IRAG1: variants seen among roughly 807,000 people sequenced by gnomAD.
IRAG1 encodes inositol 1,4,5-triphosphate receptor associated 1.
A neutral mutation model predicts 106.2 loss-of-function variants in IRAG1; 62 were observed. That is an observed-to-expected ratio of 0.58 (90% CI 0.48 to 0.72). The LOEUF is 0.72. Ranked by LOEUF, IRAG1 falls within the 30% of genes least tolerant of loss-of-function variation. The pLI is 0.00. For missense variants in IRAG1, 1,064 were observed against 1,140.7 expected (o/e 0.93, Z 0.97); for synonymous variants, 462 against 443.9 (o/e 1.04, Z -0.51).
At position 10,635,151 on chromosome 11, in the gene IRAG1, G is replaced by A. The variant is rs188913085; in HGVS notation, c.226-1080C>T. Among the ~76,000 whole-genome samples the A allele has an allele frequency of 1.4e-3, 206 of 152,320 alleles. 1 individual carries two copies. The highest frequency in any genetic ancestry group is 8.7e-3 in the South Asian group (42 of 4,830). On this transcript the variant is annotated intron_variant, in intron 2 of 20. Transcript: ENST00000423302. ...CACCCACACACCCCTGAGGTTCCAC[G>A]ACAGTCCTACCTTTGGGTAACTTTG...
chr11:10,606,612 C>A, intron 12 of IRAG1, 130 bp downstream of exon 12: 1 of 911,448 alleles, frequency 1.1e-6, no homozygotes, highest in Non-Finnish European at 1.6e-6. Flanking sequence ...TGAATGTTCA[C>A]ATTACCCCAC....
chr11:10,605,031 C>G (rs780163930), intron 12 of IRAG1, among the ~76,000 whole-genome samples: 2 of 152,174 alleles, frequency 1.3e-5, no homozygotes, highest in Non-Finnish European at 1.5e-5. Context: ...CCCGAGTATT[C>G]CAAATCCTGT....
At position 10,626,319 on chromosome 11, in the gene IRAG1, A is replaced by T. The variant is rs1856242201; in HGVS notation, c.1015T>A (p.Trp339Arg). ...ELGKQLLKTG[W>R]EGSPLPRSPT... is the part of the protein sequence containing the mutation. Reference sequence around the variant, plus strand: ...CTTCTCGGCAGAGGGCTGCCCTCCCAGCCCGTTTTCAAGAGCTGCTTCCCC... The same window carrying T: ...CTTCTCGGCAGAGGGCTGCCCTCCCTGCCCGTTTTCAAGAGCTGCTTCCCC... The change falls in exon 9 of 21, where the codon TGG becomes AGG. Residue 339 changes from tryptophan to arginine, a missense_variant. By Grantham distance (101) the Trp-to-Arg change is moderately radical. Coordinates refer to ENST00000423302, the MANE Select transcript of IRAG1 (RefSeq NM_130385.4). 6.2e-7 allele frequency: 1 copy of T among 1,613,196 alleles called. No homozygotes were observed. Among genetic ancestry groups the T allele is most frequent in the South Asian group, 1.1e-5 (1 of 90,892 alleles).
At chr11:10,599,418 A>G (rs750789172) in intron 15 of IRAG1, among the ~76,000 whole-genome samples, 2 of 152,212 alleles carry the variant, frequency 1.3e-5, no homozygotes, top group Non-Finnish European at 2.9e-5. Context: ...GAGTCCACGC[A>G]TTAGGATTCC....
intron 1 of IRAG1, among the ~76,000 whole-genome samples, chr11:10,684,675 G>T (rs1187566362): frequency 6.6e-6 from 1 of 151,268 alleles, no homozygotes; most frequent in Non-Finnish European, 1.5e-5. Flanking sequence ...AGTTCCTGCT[G>T]CTGGGATCTG....
chr11:10,612,910 CAAG>C (rs2134423416), intron 10 of IRAG1, among the ~76,000 whole-genome samples: 1 of 152,044 alleles, frequency 6.6e-6, no homozygotes, highest in African/African-American at 2.4e-5. Context: ...AAGGACTAAT[CAAG>C]AAATTGGGAA....
chr11:10,639,512 T>G (rs1288532606), intron 2 of IRAG1, among the ~76,000 whole-genome samples: 1 of 152,142 alleles, frequency 6.6e-6, no homozygotes, highest in East Asian at 1.9e-4. Context: ...AAAACCAGCA[T>G]AGAAGGAACT....
At chr11:10,634,729 T>C (rs1857005081) in intron 2 of IRAG1, among the ~76,000 whole-genome samples, 2 of 149,588 alleles carry the variant, frequency 1.3e-5, no homozygotes, top group Admixed American at 1.4e-4. Context: ...GATTTCCTTC[T>C]TTTTTTAAGG....
chr11:10,593,277 A>G, intron 17 of IRAG1: 1 of 419,102 alleles, frequency 2.4e-6, no homozygotes, highest in Non-Finnish European at 4.3e-6. Context: ...AGCTGCCAAC[A>G]CCATGCTGAG....
At chr11:10,603,476 G>A (rs1564902608) in intron 13 of IRAG1, among the ~76,000 whole-genome samples, 1 of 152,110 alleles carries the variant, frequency 6.6e-6, no homozygotes, top group Admixed American at 6.5e-5. Context: ...AATAGGGTTC[G>A]TGACCCTATG....
At chr11:10,601,089 G>T (rs758180149) in intron 14 of IRAG1, 30 bp from the exon 15 acceptor site, 27 of 1,611,646 alleles carry the variant, frequency 1.7e-5, no homozygotes, top group Middle Eastern at 1.6e-4. Flanking sequence ...GAGTGCATGA[G>T]GCCATTGGAG....
chr11:10,608,924 T>C lies in IRAG1; in HGVS notation c.1571+804A>G, dbSNP rs115939233. ...AAGACATGAAGATTTACTTATATTTTTTCTTTGAAGAGTCTTATAGTGTTC... is the reference window on the plus strand; with the variant it reads ...AAGACATGAAGATTTACTTATATTTCTTCTTTGAAGAGTCTTATAGTGTTC... On this transcript the variant is annotated intron_variant, in intron 11 of 20. Coordinates refer to ENST00000423302, the MANE Select transcript of IRAG1 (RefSeq NM_130385.4). 6.3e-3 allele frequency among the ~76,000 whole-genome samples: 965 copies of C among 152,358 alleles called. 9 individuals are homozygous for C. The highest frequency in any genetic ancestry group is 0.022 in the African/African-American group (899 of 41,578).
Position 10,628,734 on chromosome 11 carries a change from G to T in IRAG1, c.652+17C>A. ...GCGAGAGGCAGGGCAGGAAGTCCCC[G>T]GGCAGCTGGGCCTCACCTGGCGGGG... On this transcript the variant is annotated intron_variant, in intron 6 of 20. Transcript: ENST00000423302. This position sits in a 1 kb window ranked among gnomAD's most constrained non-coding sequence, Gnocchi z 4.1. The T allele has an allele frequency of 6.6e-7, 1 of 1,520,216 alleles. No homozygotes were observed. The highest frequency in any genetic ancestry group is 8.8e-7 in the Non-Finnish European group (1 of 1,138,924). The allele number at this position is 1,520,216 out of a possible 1,614,324, so 94.2% of individuals were successfully genotyped here. A position where few individuals can be genotyped will look rare whatever the true frequency, so the allele number is the denominator to read the frequency against.
chr11:10,672,451 A>T (rs1423638942), intron 1 of IRAG1, among the ~76,000 whole-genome samples: 1 of 152,234 alleles, frequency 6.6e-6, no homozygotes, highest in East Asian at 1.9e-4. Context: ...CTAATAAAGG[A>T]CTTGAATAAA....
chr11:10,633,111 G>C (rs1481657774), intron 3 of IRAG1, among the ~76,000 whole-genome samples: 2 of 125,226 alleles, frequency 1.6e-5, no homozygotes, highest in African/African-American at 3.2e-5. Context: ...GTCTCGCACT[G>C]TCGCCCAGGC....
At chr11:10,672,178 T>C (rs1453948003) in intron 1 of IRAG1, among the ~76,000 whole-genome samples, 1 of 152,222 alleles carries the variant, frequency 6.6e-6, no homozygotes, top group Non-Finnish European at 1.5e-5. Context: ...CCTCTTCCTA[T>C]ACCATACACA....
At chr11:10,681,840 T>C (rs1861284287) in intron 1 of IRAG1, among the ~76,000 whole-genome samples, 2 of 152,216 alleles carry the variant, frequency 1.3e-5, no homozygotes, top group East Asian at 3.8e-4. Flanking sequence ...ATCTACCAAA[T>C]ACCTGCTACA....
At chr11:10,693,456 C>T in intron 1 of IRAG1, 80 bp downstream of exon 1, 1 of 1,529,112 alleles carries the variant, frequency 6.5e-7, no homozygotes, top group Non-Finnish European at 8.7e-7. Context: ...TCCCAGCACC[C>T]TGTACCTTTA....
At chr11:10,603,330 C>T in intron 13 of IRAG1, 79 bp from the exon 14 acceptor site, 2 of 1,533,176 alleles carry the variant, frequency 1.3e-6, no homozygotes, top group Non-Finnish European at 8.9e-7. Context: ...CCTTTTCGGC[C>T]TCAGGGACTG....
Sources: gnomAD v4.1 joint callset for allele counts (sites outside exome capture counted in the v4.1 genomes callset) on GRCh38, gnomAD v4.1.1 for gene constraint, Gnocchi (gnomAD v3.1) non-coding constraint, MANE v1.5 for transcripts, NCBI Gene and HGNC (gene_info 2026-07-23, HGNC 2026-07-21) for gene names.